GRIK4: variants seen among roughly 807,000 people sequenced by gnomAD.
GRIK4 encodes glutamate receptor ionotropic, kainate 4.
GRIK4 carries 40 observed loss-of-function variants against 104.9 expected under a neutral mutation model. The ratio of observed to expected loss-of-function variants is 0.38; its 90% CI spans 0.30 to 0.50. The LOEUF is 0.50. Among genes scored for constraint, GRIK4 ranks in the 20% least tolerant of loss-of-function variants. The pLI is 0.93. For missense variants in GRIK4, 1,047 were observed against 1,308.1 expected, an observed-to-expected ratio of 0.80 and a Z score of 3.08; for synonymous variants, 485 against 524.9, an observed-to-expected ratio of 0.92 and a Z score of 1.04.
intron 3 of GRIK4, among the ~76,000 whole-genome samples, chr11:120,742,272 G>A (rs887951454): frequency 6.6e-6 from 1 of 151,746 alleles, no homozygotes; most frequent in Non-Finnish European, 1.5e-5. Flanking sequence ...CTTGAACCTG[G>A]GAGGTGGAGG....
At position 120,802,733 on chromosome 11, in the gene GRIK4, G is replaced by A. The variant is rs759362891; in HGVS notation, c.123G>A (p.Glu41=). 6.2e-7 allele frequency: 1 copy of A among 1,614,178 alleles called. No homozygotes were observed. The highest frequency in any genetic ancestry group is 8.5e-7 in the Non-Finnish European group (1 of 1,180,022). The change falls in exon 4 of 21, where the codon GAG becomes GAA. Residue 41 remains glutamate, a synonymous_variant. Coordinates refer to ENST00000527524, the MANE Select transcript of GRIK4 (RefSeq NM_014619.5). Reference sequence around the variant, plus strand: ...ACCCCATGGAGTGCAGCAGAGGGGAGCGGCTCTCCATCACCCTGGCCAAGA... The same window carrying A: ...ACCCCATGGAGTGCAGCAGAGGGGAACGGCTCTCCATCACCCTGGCCAAGA... ...LDDPMECSRG[E]RLSITLAKNR... is the part of the protein sequence containing the mutation.
chr11:120,705,431 G>C (rs566379685), intron 3 of GRIK4, among the ~76,000 whole-genome samples: 1 of 151,946 alleles, frequency 6.6e-6, no homozygotes, highest in South Asian at 2.1e-4. Context: ...TCACCATGTT[G>C]GCCAGGCTGG....
At chr11:120,664,668 C>T (rs1949876585) in intron 3 of GRIK4, among the ~76,000 whole-genome samples, 1 of 152,202 alleles carries the variant, frequency 6.6e-6, no homozygotes. Context: ...ATTATCACAG[C>T]CATCACATTA....
chr11:120,949,826 C>T (rs1943955567), intron 14 of GRIK4, among the ~76,000 whole-genome samples: 1 of 152,186 alleles, frequency 6.6e-6, no homozygotes, highest in African/African-American at 2.4e-5. Flanking sequence ...GAGCGAGGCA[C>T]TTAACCTCCC....
intron 1 of GRIK4, among the ~76,000 whole-genome samples, chr11:120,596,004 G>A (rs975807776): frequency 6.6e-6 from 1 of 152,094 alleles, no homozygotes; most frequent in Non-Finnish European, 1.5e-5. Flanking sequence ...GCGCCACCAC[G>A]GTCAGCTAAT....
rs776598317 is a variant in GRIK4 at position 120,898,572 on chromosome 11, G to A, written c.1205G>A (p.Ser402Asn). ...GTGGCAGAGGGCCTCAGCATGGACA[G>A]CCACCTCTATGCCTCCAACATCTCG... ...WHVAEGLSMD[S>N]HLYASNISDT... The change falls in exon 12 of 21, where the codon AGC (serine) becomes AAC (asparagine). Residue 402 changes from serine (S) to asparagine (N), a missense_variant. Around this residue, in one of 3 missense-constraint regions of GRIK4, gnomAD observed 440 missense variants for 652.3 expected, o/e 0.67. Coordinates refer to ENST00000527524, the MANE Select transcript of GRIK4 (RefSeq NM_014619.5). The A allele has an allele frequency of 6.2e-7, 1 of 1,612,674 alleles. No homozygotes were observed. The highest frequency in any genetic ancestry group is 2.2e-5 in the East Asian group (1 of 44,876).
At position 120,905,989 on chromosome 11, in the gene GRIK4, G is replaced by A. The variant is rs1942859756; in HGVS notation, c.1476+496G>A. 6.6e-6 allele frequency among the ~76,000 whole-genome samples: 1 copy of A among 152,176 alleles called. No homozygotes were observed. ...AGCTACAGTTATTTTCGTACATCTT[G>A]TGTTATCTTTGGTTAGCGTTAATGT... is the stretch of plus-strand genomic sequence containing the variant. On this transcript the variant is annotated intron_variant, in intron 13 of 20. Coordinates refer to ENST00000527524, the MANE Select transcript of GRIK4 (RefSeq NM_014619.5). The surrounding 1 kb of genome is among the most constrained non-coding windows in gnomAD (Gnocchi z 5.1).
intron 1 of GRIK4, among the ~76,000 whole-genome samples, chr11:120,570,988 A>G (rs1324737300): frequency 6.6e-6 from 1 of 152,116 alleles, no homozygotes; most frequent in Admixed American, 6.6e-5. Context: ...GTCCTTACCA[A>G]TAGCCTCTCA....
chr11:120,597,211 C>A (rs1049592333), intron 1 of GRIK4, among the ~76,000 whole-genome samples: 2 of 152,238 alleles, frequency 1.3e-5, no homozygotes, highest in African/African-American at 4.8e-5. Flanking sequence ...CTCCACTCAC[C>A]TTGCGGGGCC....
intron 3 of GRIK4, among the ~76,000 whole-genome samples, chr11:120,763,403 T>G (rs1458064034): frequency 6.6e-6 from 1 of 152,206 alleles, no homozygotes; most frequent in East Asian, 1.9e-4. Context: ...GTTCCTGGAT[T>G]CACTGATTTT....
chr11:120,806,506 A>G (rs1952715435), intron 4 of GRIK4, among the ~76,000 whole-genome samples: 1 of 152,198 alleles, frequency 6.6e-6, no homozygotes, highest in Non-Finnish European at 1.5e-5. Flanking sequence ...GGCCCTGGAC[A>G]ACTGCCCTAA....
chr11:120,869,423 C>T (rs1402607763), intron 9 of GRIK4: 1 of 152,292 alleles, frequency 6.6e-6, no homozygotes, highest in African/African-American at 2.4e-5. Flanking sequence ...GAGGATTTTC[C>T]TTCTACCTGC....
chr11:120,615,150 T>C (rs1395914868), intron 1 of GRIK4, among the ~76,000 whole-genome samples: 1 of 152,074 alleles, frequency 6.6e-6, no homozygotes, highest in African/African-American at 2.4e-5. Context: ...ATGAAGCAGG[T>C]GTTGTTATTC....
intron 1 of GRIK4, among the ~76,000 whole-genome samples, chr11:120,630,689 G>A (rs1030614147): frequency 6.6e-6 from 1 of 152,236 alleles, no homozygotes; most frequent in African/African-American, 2.4e-5. Flanking sequence ...AAATGAACAA[G>A]TGATTTAAAA....
chr11:120,697,151 T>A (rs1591813135), intron 3 of GRIK4, among the ~76,000 whole-genome samples: 1 of 152,306 alleles, frequency 6.6e-6, no homozygotes, highest in African/African-American at 2.4e-5. Flanking sequence ...CTGCCTGTGG[T>A]TCAACATGAG....
chr11:120,759,435 C>T (rs182944165), intron 3 of GRIK4, among the ~76,000 whole-genome samples: 1 of 152,160 alleles, frequency 6.6e-6, no homozygotes, highest in African/African-American at 2.4e-5. Flanking sequence ...CAGCTTTCTC[C>T]CAAGATTGGC....
intron 1 of GRIK4, among the ~76,000 whole-genome samples, chr11:120,526,449 C>A (rs140761680): frequency 6.6e-6 from 1 of 152,226 alleles, no homozygotes; most frequent in Admixed American, 6.5e-5. Flanking sequence ...CCTCCCACCT[C>A]GGCCTCTCAA....
intron 19 of GRIK4, among the ~76,000 whole-genome samples, chr11:120,974,382 G>C: frequency 6.6e-6 from 1 of 152,196 alleles, no homozygotes. Context: ...GAGAAATATG[G>C]AATGGGCAGA....
chr11:120,543,159 G>A (rs555137980), intron 1 of GRIK4, among the ~76,000 whole-genome samples: 9 of 152,266 alleles, frequency 5.9e-5, no homozygotes, highest in Admixed American at 2.0e-4. Context: ...AAACTATTGA[G>A]TACTAGGCTT....
Sources: allele counts gnomAD v4.1 joint callset (sites outside exome capture counted in the v4.1 genomes callset), GRCh38; gene constraint gnomAD v4.1.1; regional missense constraint gnomAD v4.1.1; non-coding constraint Gnocchi (gnomAD v3.1); transcripts MANE v1.5; gene names NCBI Gene and HGNC (gene_info 2026-07-23, HGNC 2026-07-21).